The following SLC25A26 variants were observed in gnomAD, a reference collection of about 807,000 sequenced individuals.
SLC25A26 encodes the protein mitochondrial S-adenosylmethionine carrier protein.
SLC25A26 carries 36 observed loss-of-function variants against 37.8 expected under a neutral mutation model. The ratio of observed to expected loss-of-function variants is 0.95; its 90% confidence interval spans 0.73 to 1.26. The LOEUF (loss-of-function observed/expected upper bound fraction) is 1.26. Among genes scored for constraint, SLC25A26 ranks in the 50% most tolerant of loss-of-function variants. SLC25A26 has a pLI of 0.00. For synonymous variants in SLC25A26, 129 were observed against 122.5 expected, an observed-to-expected ratio of 1.05 and a Z score of -0.35; for missense variants, 390 against 331.1, an observed-to-expected ratio of 1.18 and a Z score of -1.38.
At chr3:66,156,001 T>C (rs1338938109) in intron 1 of SLC25A26, among the ~76,000 whole-genome samples, 2 of 152,152 alleles carry the variant, frequency 1.3e-5, no homozygotes, top group Non-Finnish European at 2.9e-5. Flanking sequence ...TGTCTTAGCA[T>C]AGGGGAAGAG....
chr3:66,300,387 A>G (rs535508588), intron 5 of SLC25A26, among the ~76,000 whole-genome samples: 2 of 151,904 alleles, frequency 1.3e-5, no homozygotes, highest in East Asian at 1.9e-4. Context: ...GACATTGGCA[A>G]TATGATTTGA....
chr3:66,320,332 T>A (rs1487861192), intron 5 of SLC25A26, among the ~76,000 whole-genome samples: 1 of 152,196 alleles, frequency 6.6e-6, no homozygotes, highest in Non-Finnish European at 1.5e-5. Context: ...CCTGTTCTAG[T>A]TATTTCATAT....
chr3:66,275,391 A>G (rs2107393006), intron 5 of SLC25A26, among the ~76,000 whole-genome samples: 1 of 152,000 alleles, frequency 6.6e-6, no homozygotes, highest in Admixed American at 6.5e-5. Flanking sequence ...CCTAAAACTT[A>G]AAGTATAATA....
At chr3:66,264,226 C>T (rs561529046) in intron 5 of SLC25A26, among the ~76,000 whole-genome samples, 2 of 149,876 alleles carry the variant, frequency 1.3e-5, no homozygotes, top group Admixed American at 6.7e-5. Context: ...GAGCCAAGAT[C>T]GTGCCACTGG....
intron 6 of SLC25A26, among the ~76,000 whole-genome samples, chr3:66,361,354 A>T (rs2076703845): frequency 6.6e-6 from 1 of 152,230 alleles, no homozygotes; most frequent in Admixed American, 6.5e-5. Context: ...GATTTCTTAG[A>T]TGTGACACCA....
At chr3:66,315,830 C>T (rs2075523482) in intron 5 of SLC25A26, among the ~76,000 whole-genome samples, 1 of 152,080 alleles carries the variant, frequency 6.6e-6, no homozygotes, top group Non-Finnish European at 1.5e-5. Context: ...GGATAGTTAG[C>T]TCTTCTTCTT....
At position 66,328,581 on chromosome 3, in the gene SLC25A26, C is replaced by G. The variant is rs571698594; in HGVS notation, c.454-17783C>G. Among the ~76,000 whole-genome samples the G allele has an allele frequency of 2.6e-5, 4 of 152,268 alleles. No homozygotes were observed. The East Asian group carries it at 7.7e-4, about 29-fold the overall frequency. ...CCTATTTAACAGTACCTCCATTCAT[C>G]GACAGCTGCTAAAGTCATCTATATT... On this transcript the variant is annotated intron_variant, in intron 5 of 9. Coordinates refer to ENST00000354883, the MANE Select transcript of SLC25A26 (RefSeq NM_001379210.1).
chr3:66,377,266 A>G (rs1700716742), intron 9 of SLC25A26, among the ~76,000 whole-genome samples: 2 of 152,126 alleles, frequency 1.3e-5, no homozygotes, highest in Admixed American at 1.3e-4. Flanking sequence ...GAAAAGGAAC[A>G]CAGGGAATCC....
At chr3:66,282,479 A>C (rs1343209377) in intron 5 of SLC25A26, among the ~76,000 whole-genome samples, 2 of 152,128 alleles carry the variant, frequency 1.3e-5, no homozygotes, top group African/African-American at 4.8e-5. Context: ...TTGCTGGTGT[A>C]GCAAGGTATC....
At chr3:66,277,868 T>A (rs2074210039) in intron 5 of SLC25A26, among the ~76,000 whole-genome samples, 1 of 152,048 alleles carries the variant, frequency 6.6e-6, no homozygotes, top group African/African-American at 2.4e-5. Flanking sequence ...AATCTCAGTG[T>A]GATCATGAGA....
intron 9 of SLC25A26, 30 bp from the exon 10 acceptor site, chr3:66,377,660 C>A: frequency 5.8e-6 from 9 of 1,552,926 alleles, no homozygotes; most frequent in Non-Finnish European, 8.0e-6. Context: ...AAAATACGCA[C>A]AACATTAAAA....
intron 5 of SLC25A26, among the ~76,000 whole-genome samples, chr3:66,310,412 C>T (rs1231009973): frequency 6.6e-6 from 1 of 152,120 alleles, no homozygotes; most frequent in African/African-American, 2.4e-5. Flanking sequence ...TGATATGGGT[C>T]TCCTGAATAC....
At chr3:66,303,186 G>A (rs1049431694) in intron 5 of SLC25A26, among the ~76,000 whole-genome samples, 1 of 152,130 alleles carries the variant, frequency 6.6e-6, no homozygotes, top group African/African-American at 2.4e-5. Flanking sequence ...TGAAATATTG[G>A]CTTTGTACTC....
At chr3:66,177,412 A>G (rs146719670) in intron 1 of SLC25A26, among the ~76,000 whole-genome samples, 5 of 152,246 alleles carry the variant, frequency 3.3e-5, no homozygotes, top group Admixed American at 1.3e-4. Context: ...ATCACAGCAG[A>G]CTCCTAGCAA....
intron 6 of SLC25A26, among the ~76,000 whole-genome samples, chr3:66,362,626 T>C (rs1419240775): frequency 6.6e-6 from 1 of 152,200 alleles, no homozygotes; most frequent in Non-Finnish European, 1.5e-5. Context: ...CACACACACA[T>C]ATGTATTCTC....
At chr3:66,160,013 T>C (rs1410626209) in intron 1 of SLC25A26, among the ~76,000 whole-genome samples, 1 of 152,122 alleles carries the variant, frequency 6.6e-6, no homozygotes, top group African/African-American at 2.4e-5. Context: ...AATCTTTTTT[T>C]TTCTTTTTTG....
Position 66,137,937 on chromosome 3 carries a change from G to A in SLC25A26, c.-354+3953G>A, listed in dbSNP as rs112115606. Among the ~76,000 whole-genome samples, 87 of 152,122 alleles carry A rather than the reference G, an allele frequency of 5.7e-4. 2 individuals are homozygous for A. Among genetic ancestry groups the A allele is most frequent in the African/African-American group, 1.4e-3 (58 of 41,502 alleles). ...CCACCTCTGCCTCCCAGGTTCAAGC[G>A]ATTCTCCCACCTCAGCCTCCAGAGC... On this transcript the variant is annotated intron_variant, in intron 1 of 10. Coordinates refer to the SLC25A26 transcript ENST00000676754.
intron 6 of SLC25A26, among the ~76,000 whole-genome samples, chr3:66,349,341 T>G (rs1188709255): frequency 6.6e-6 from 1 of 152,152 alleles, no homozygotes; most frequent in African/African-American, 2.4e-5. Flanking sequence ...CAAATTTCCA[T>G]CAACCCAGAA....
rs544083579 is a variant in SLC25A26, at chr3:66,229,073, C to T, written c.34-7471C>T. On this transcript the variant is annotated intron_variant, in intron 1 of 9. Coordinates refer to ENST00000354883, the MANE Select transcript of SLC25A26 (RefSeq NM_001379210.1). ...TGGTAAAGTACTCTTTAGGCTTTTG[C>T]GTGGTTTTTAGTATTTGCATGTCAG... Among the ~76,000 whole-genome samples, 18 of 152,144 alleles carry T rather than the reference C, an allele frequency of 1.2e-4. No individual in the cohort carries two copies. The South Asian group carries it at 2.3e-3, about 19-fold the overall frequency.
Sources: gnomAD v4.1 joint callset for allele counts (sites outside exome capture counted in the v4.1 genomes callset) on GRCh38, gnomAD v4.1.1 for gene constraint, MANE v1.5 for transcripts, NCBI Gene and HGNC (gene_info 2026-07-23, HGNC 2026-07-21) for gene names.